Variants in ARL15 observed in about 807,000 individuals in gnomAD.
The protein encoded by ARL15 is ARF like GTPase 15, also known as ADP-ribosylation factor-like protein 15.
In ARL15, 19 loss-of-function variants were observed where a neutral mutation model predicts 25.2. The observed-to-expected ratio is 0.75, with a 90% CI of 0.53 to 1.10. The LOEUF (loss-of-function observed/expected upper bound fraction) is 1.10, where lower values mean the gene tolerates loss of function less well. Ranked by LOEUF, ARL15 falls within the 50% of genes least tolerant of loss-of-function variation. The pLI is 0.00. For synonymous variants in ARL15, 94 were observed against 86.8 expected, an observed-to-expected ratio of 1.08 and a Z score of -0.46; for missense variants, 220 against 246.0, an observed-to-expected ratio of 0.89 and a Z score of 0.71.
intron 4 of ARL15, among the ~76,000 whole-genome samples, chr5:54,004,789 C>CTGTGTGTG (rs60269500): frequency 6.7e-6 from 1 of 149,458 alleles, no homozygotes; most frequent in African/African-American, 2.5e-5. Flanking sequence ...GTGTGTGTGC[C>CTGTGTGTG]TGTGTGTGTG....
At chr5:54,120,077 C>G (rs944948800) in intron 3 of ARL15, among the ~76,000 whole-genome samples, 1 of 152,064 alleles carries the variant, frequency 6.6e-6, no homozygotes, top group African/African-American at 2.4e-5. Context: ...AATGGAAACT[C>G]AATAGTTTTT....
intron 1 of ARL15, among the ~76,000 whole-genome samples, chr5:54,292,693 A>G (rs1333887517): frequency 2.6e-5 from 4 of 152,232 alleles, no homozygotes; most frequent in Non-Finnish European, 5.9e-5. Context: ...ACAAGTCACA[A>G]GAGAAGGAAA....
In ARL15 at chr5:53,972,703, G is replaced by A. The variant is rs541403868; in HGVS notation, c.463-85990C>T. On this transcript the variant is annotated intron_variant, in intron 4 of 4. Coordinates refer to ENST00000504924, the MANE Select transcript of ARL15 (RefSeq NM_019087.3). ...TGTCTTATTATTATACAGGTTTACC[G>A]AGATCACCGGTCAAGGCATTTTCTG... 2.0e-4 allele frequency among the ~76,000 whole-genome samples: 30 copies of A among 152,168 alleles called. No homozygotes were observed. In the South Asian group the frequency reaches 5.0e-3, roughly 25 times the overall value.
chr5:54,115,794 G>C (rs1456380206), intron 3 of ARL15, among the ~76,000 whole-genome samples: 1 of 152,124 alleles, frequency 6.6e-6, no homozygotes, highest in Admixed American at 6.5e-5. Context: ...CAAAAATAAA[G>C]AGGAAATTTA....
chr5:54,277,951 G>T (rs971215698), intron 1 of ARL15, among the ~76,000 whole-genome samples: 1 of 152,090 alleles, frequency 6.6e-6, no homozygotes, highest in Non-Finnish European at 1.5e-5. Context: ...TGTGGCTTCC[G>T]TATGCTTCAA....
chr5:54,088,010 G>T (rs971200987), intron 4 of ARL15, among the ~76,000 whole-genome samples: 2 of 152,154 alleles, frequency 1.3e-5, no homozygotes, highest in Non-Finnish European at 2.9e-5. Context: ...CCAGGGTACT[G>T]TATTTTGGAT....
chr5:54,306,076 C>G (rs999862346), intron 1 of ARL15, among the ~76,000 whole-genome samples: 1 of 152,178 alleles, frequency 6.6e-6, no homozygotes, highest in African/African-American at 2.4e-5. Flanking sequence ...TCCTCTAGAG[C>G]CACACGACTG....
chr5:54,302,683 ATTTTTTTTT>A (rs372704359), intron 1 of ARL15, among the ~76,000 whole-genome samples: 5 of 77,850 alleles, frequency 6.4e-5, no homozygotes, highest in Admixed American at 2.1e-4. Context: ...TAAAATTAAG[ATTTTTTTTT>A]TTTTTTTTTT....
At chr5:54,160,127 T>C (rs1754359199) in intron 2 of ARL15, among the ~76,000 whole-genome samples, 1 of 152,248 alleles carries the variant, frequency 6.6e-6, no homozygotes, top group Non-Finnish European at 1.5e-5. Context: ...GCATGATTTA[T>C]GCCACAGCAG....
intron 1 of ARL15, among the ~76,000 whole-genome samples, chr5:54,249,425 G>A (rs576552052): frequency 3.6e-4 from 55 of 152,078 alleles, no homozygotes; most frequent in Non-Finnish European, 6.8e-4. Flanking sequence ...AGTCAACGAA[G>A]AAGGAAAGAC....
At chr5:54,000,909 C>T (rs1748832184) in intron 4 of ARL15, among the ~76,000 whole-genome samples, 1 of 152,170 alleles carries the variant, frequency 6.6e-6, no homozygotes, top group Non-Finnish European at 1.5e-5. Flanking sequence ...TGTGCAGTCG[C>T]CTAAGACCCC....
chr5:53,979,279 T>C (rs1036313997), intron 4 of ARL15, among the ~76,000 whole-genome samples: 4 of 152,170 alleles, frequency 2.6e-5, no homozygotes. Context: ...ACGCCTATAA[T>C]CCCAGCACTT....
intron 4 of ARL15, among the ~76,000 whole-genome samples, chr5:54,026,096 A>T (rs1352598186): frequency 2.6e-5 from 4 of 152,192 alleles, no homozygotes; most frequent in African/African-American, 9.6e-5. Context: ...ATAGTTTTTC[A>T]TTAGTAACTG....
intron 4 of ARL15, among the ~76,000 whole-genome samples, chr5:54,024,409 G>A (rs1360593775): frequency 1.3e-5 from 2 of 152,142 alleles, no homozygotes; most frequent in Non-Finnish European, 2.9e-5. Context: ...TGAGTAACAT[G>A]TACTGCGATG....
At chr5:53,914,149 T>A (rs1021390) in intron 4 of ARL15, among the ~76,000 whole-genome samples, 101,198 of 150,434 alleles carry the variant, frequency 0.67, 33,975 homozygotes, top group Middle Eastern at 0.75. Flanking sequence ...ACACACACAC[T>A]CTCACACACA....
At chr5:54,050,443 C>T (rs946383892) in intron 4 of ARL15, among the ~76,000 whole-genome samples, 4 of 152,048 alleles carry the variant, frequency 2.6e-5, no homozygotes, top group Non-Finnish European at 1.5e-5. Flanking sequence ...CTATTAGAAC[C>T]AATACAGAAA....
At chr5:54,209,220 G>A (rs1432601874) in intron 1 of ARL15, among the ~76,000 whole-genome samples, 4 of 152,006 alleles carry the variant, frequency 2.6e-5, no homozygotes, top group African/African-American at 7.2e-5. Flanking sequence ...AGAAAAGAGC[G>A]AAATCCTCAA....
intron 4 of ARL15, among the ~76,000 whole-genome samples, chr5:54,014,346 A>G (rs777508466): frequency 3.3e-5 from 5 of 152,128 alleles, no homozygotes; most frequent in Non-Finnish European, 5.9e-5. Flanking sequence ...TCTTGTACCT[A>G]TTGCAGAAAA....
intron 3 of ARL15, among the ~76,000 whole-genome samples, chr5:54,119,174 G>T (rs183587006): frequency 2.6e-5 from 4 of 152,216 alleles, no homozygotes; most frequent in Admixed American, 2.0e-4. Flanking sequence ...GTCACTATGG[G>T]TTCAATGCCC....
Sources: allele counts gnomAD v4.1 joint callset (sites outside exome capture counted in the v4.1 genomes callset), GRCh38; gene constraint gnomAD v4.1.1; transcripts MANE v1.5; gene names NCBI Gene and HGNC (gene_info 2026-07-23, HGNC 2026-07-21).